NCAPG: variants seen among roughly 807,000 people sequenced by gnomAD.
NCAPG encodes condensin complex subunit 3.
Under a neutral mutation model 113.1 loss-of-function variants are expected in NCAPG, and 69 were observed. The observed-to-expected ratio is 0.61, with a 90% CI of 0.50 to 0.75. The LOEUF (loss-of-function observed/expected upper bound fraction) is 0.75. NCAPG is among the 30% of genes least tolerant of loss of function. The pLI, the probability that NCAPG is intolerant of heterozygous loss-of-function variation, is 0.00. For synonymous variants in NCAPG, 370 were observed against 415.8 expected, an observed-to-expected ratio of 0.89 and a Z score of 1.34; for missense variants, 1,058 against 1,177.0, an observed-to-expected ratio of 0.90 and a Z score of 1.48.
At chr4:17,841,137 C>T (rs1385212068) in intron 19 of NCAPG, 1 of 151,956 alleles carries the variant, frequency 6.6e-6, no homozygotes, top group Admixed American at 6.6e-5. Context: ...AATAGGGGAT[C>T]TGTTGGCAAA....
intron 16 of NCAPG, among the ~76,000 whole-genome samples, chr4:17,839,465 T>G (rs1722241608): frequency 6.6e-6 from 1 of 151,758 alleles, no homozygotes; most frequent in Non-Finnish European, 1.5e-5. Flanking sequence ...CTAAAGGGAG[T>G]GGAACTGGGC....
chr4:17,836,804 T>C (rs879480305), intron 14 of NCAPG, among the ~76,000 whole-genome samples: 1 of 152,204 alleles, frequency 6.6e-6, no homozygotes, highest in Non-Finnish European at 1.5e-5. Context: ...CACCTTCCTC[T>C]AATACCAGGG....
At chr4:17,828,080 C>T (rs961428572) in intron 11 of NCAPG, among the ~76,000 whole-genome samples, 198 bp from the exon 12 acceptor site, 12 of 152,032 alleles carry the variant, frequency 7.9e-5, no homozygotes, top group Non-Finnish European at 1.5e-4. Context: ...GGATTACAGG[C>T]GTGAGTCGTT....
intron 5 of NCAPG, among the ~76,000 whole-genome samples, chr4:17,815,741 C>A (rs1721177156): frequency 6.6e-6 from 1 of 152,114 alleles, no homozygotes; most frequent in African/African-American, 2.4e-5. Flanking sequence ...CCAGACTGGT[C>A]TCGAACTCCT....
intron 11 of NCAPG, among the ~76,000 whole-genome samples, chr4:17,826,558 GA>G (rs1721665828): frequency 6.6e-6 from 1 of 152,120 alleles, no homozygotes; most frequent in South Asian, 2.1e-4. Flanking sequence ...AATATCATCT[GA>G]AAAATGACAA....
At position 17,843,313 on chromosome 4, in the gene NCAPG, T is replaced by G. The variant is rs1395995666; in HGVS notation, c.2936T>G (p.Val979Gly). ...AEADSESDHE[V>G]PEPESEMKMR... ...CAACATCTATTTAGTGATCATGAAG[T>G]TCCAGAACCAGAATCAGAAATGAAG... Residue 979 changes from valine to glycine, a missense_variant, in exon 21 of 21, where the codon GTT (valine) becomes GGT (glycine). Val to Gly is a moderately radical substitution (Grantham distance 109). Transcript: ENST00000251496. 3.1e-6 allele frequency: 5 copies of G among 1,611,470 alleles called. No homozygotes were observed. The highest frequency in any genetic ancestry group is 4.2e-6 in the Non-Finnish European group (5 of 1,178,022).
rs1230291839 is a variant in NCAPG at position 17,814,861 on chromosome 4, A to C, written c.553A>C (p.Thr185Pro). ...TATTGCTTTATTTTTAGCATATGCT[A>C]CTTTGATTGAAAATGATTCAAATCC... ...DECPVVNAYA[T>P]LIENDSNPEV... The change falls in exon 4 of 21, where the codon ACT (threonine) becomes CCT (proline). Residue 185 changes from threonine (T) to proline (P), a missense_variant. Thr to Pro is a conservative substitution (Grantham distance 38). Coordinates refer to ENST00000251496, the MANE Select transcript of NCAPG (RefSeq NM_022346.5). 6.2e-7 allele frequency: 1 copy of C among 1,613,954 alleles called. No homozygotes were observed. Among genetic ancestry groups the C allele is most frequent in the South Asian group, 1.1e-5 (1 of 91,064 alleles).
intron 20 of NCAPG, 60 bp downstream of exon 20, chr4:17,842,439 A>G: frequency 7.3e-7 from 1 of 1,367,340 alleles, no homozygotes; most frequent in Non-Finnish European, 1.0e-6. Flanking sequence ...TTCTACAAGT[A>G]GAAAAAAACT....
intron 14 of NCAPG, 134 bp downstream of exon 14, chr4:17,834,657 G>T (rs1322803767): frequency 3.6e-6 from 2 of 552,600 alleles, no homozygotes; most frequent in Non-Finnish European, 2.9e-6. Flanking sequence ...TGTTACATAG[G>T]TATACATGTG....
chr4:17,823,536 C>T (rs11933789), intron 8 of NCAPG, 111 bp from the exon 9 acceptor site: 34,694 of 917,972 alleles, frequency 0.038, 1,698 homozygotes, highest in African/African-American at 0.21. Context: ...TAGTGATAAA[C>T]CTAAGTGAAA....
At chr4:17,815,403 A>G (rs1377991339) in intron 5 of NCAPG, 45 bp downstream of exon 5, 2 of 1,410,304 alleles carry the variant, frequency 1.4e-6, no homozygotes, top group Non-Finnish European at 1.9e-6. Flanking sequence ...GTAGATTTTG[A>G]GGTCAGACTT....
At chr4:17,814,694 C>T (rs921945931) in intron 3 of NCAPG, among the ~76,000 whole-genome samples, 159 bp from the exon 4 acceptor site, 3 of 152,208 alleles carry the variant, frequency 2.0e-5, no homozygotes, top group Non-Finnish European at 4.4e-5. Context: ...TCTCCACCTA[C>T]CTTGGCCTCC....
intron 5 of NCAPG, 46 bp downstream of exon 5, chr4:17,815,404 G>T: frequency 1.4e-6 from 2 of 1,405,566 alleles, no homozygotes; most frequent in Non-Finnish European, 9.7e-7. Flanking sequence ...TAGATTTTGA[G>T]GTCAGACTTA....
intron 8 of NCAPG, 74 bp downstream of exon 8, chr4:17,823,197 T>C: frequency 7.2e-7 from 1 of 1,398,082 alleles, no homozygotes; most frequent in Non-Finnish European, 9.8e-7. Context: ...CCTTTTACAA[T>C]ATAACTAAAC....
At chr4:17,839,919 C>T (rs1417676824) in intron 17 of NCAPG, 82 bp downstream of exon 17, 1 of 1,439,946 alleles carries the variant, frequency 6.9e-7, no homozygotes, top group Non-Finnish European at 9.4e-7. Context: ...TTAGATTATA[C>T]ATATGTTAGC....
In NCAPG at chr4:17,840,167, C is replaced by T. The variant is rs189750875; in HGVS notation, c.2725C>T (p.Gln909Ter). Residue 909 changes from glutamine to a stop codon, truncating the protein, a stop_gained, in exon 18 of 21, where the codon CAG becomes TAG. Transcript: ENST00000251496. LOFTEE classifies it high-confidence loss of function. ...ATTTGGTGACCAAGCTGAAGCAGCACAGGATGCCACCTTGACTACAACTAC... is the reference window on the plus strand; with the variant it reads ...ATTTGGTGACCAAGCTGAAGCAGCATAGGATGCCACCTTGACTACAACTAC... ...KEFGDQAEAA[Q>*]DATLTTTTFQ... 1 of 1,610,150 alleles carries T rather than the reference C, an allele frequency of 6.2e-7. No homozygotes were observed. The highest frequency in any genetic ancestry group is 8.5e-7 in the Non-Finnish European group (1 of 1,178,444).
At chr4:17,831,361 T>A (rs2109058747) in intron 13 of NCAPG, among the ~76,000 whole-genome samples, 1 of 152,328 alleles carries the variant, frequency 6.6e-6, no homozygotes, top group African/African-American at 2.4e-5. Context: ...TGAGTGCGTA[T>A]TATGTGCCAG....
At chr4:17,827,602 G>C (rs187058489) in intron 11 of NCAPG, among the ~76,000 whole-genome samples, 73 of 152,248 alleles carry the variant, frequency 4.8e-4, no homozygotes, top group African/African-American at 1.4e-3. Context: ...GAACAAGGAA[G>C]AGGAGAGATT....
chr4:17,820,478 T>G (rs1280582450), intron 7 of NCAPG, among the ~76,000 whole-genome samples: 3 of 151,990 alleles, frequency 2.0e-5, no homozygotes, highest in East Asian at 3.9e-4. Flanking sequence ...GGCAGGCGCC[T>G]GTAGTCCTAG....
Sources: gnomAD v4.1 joint callset for allele counts (sites outside exome capture counted in the v4.1 genomes callset) on GRCh38, gnomAD v4.1.1 for gene constraint, MANE v1.5 for transcripts, NCBI Gene and HGNC (gene_info 2026-07-23, HGNC 2026-07-21) for gene names.